The following IPO11 variants were observed in gnomAD, a reference collection of about 807,000 sequenced individuals.
IPO11 encodes the protein importin 11, also known as importin-11.
IPO11 carries 66 observed loss-of-function variants against 143.2 expected under a neutral mutation model. That is an observed-to-expected ratio of 0.46 (90% CI 0.38 to 0.57). The LOEUF is 0.57. IPO11 is among the 20% of genes least tolerant of loss of function. IPO11 has a pLI of 0.00. For missense variants in IPO11, 1,026 were observed against 1,141.0 expected (o/e 0.90, Z 1.45); for synonymous variants, 385 against 377.8 (o/e 1.02, Z -0.22).
intron 27 of IPO11, among the ~76,000 whole-genome samples, chr5:62,581,869 G>C (rs1744579446): frequency 6.6e-6 from 1 of 152,182 alleles, no homozygotes; most frequent in African/African-American, 2.4e-5. Flanking sequence ...TTGTGGAGGT[G>C]AGAGATGGCT....
intron 22 of IPO11, among the ~76,000 whole-genome samples, chr5:62,535,683 A>G (rs941397095): frequency 6.6e-6 from 1 of 152,090 alleles, no homozygotes; most frequent in African/African-American, 2.4e-5. Flanking sequence ...ACAGGGTAGG[A>G]TTGTCATTCT....
chr5:62,426,826 A>G (rs1743759761), intron 1 of IPO11, among the ~76,000 whole-genome samples: 4 of 147,812 alleles, frequency 2.7e-5, no homozygotes. Context: ...TTTTTTATAT[A>G]TATTTCTCTA....
intron 24 of IPO11, among the ~76,000 whole-genome samples, chr5:62,550,022 GC>G (rs1743339001): frequency 6.6e-6 from 1 of 152,114 alleles, no homozygotes; most frequent in Non-Finnish European, 1.5e-5. Flanking sequence ...GCTTTTTGCT[GC>G]CTCTATTAGT....
chr5:62,533,134 C>CATCTTG (rs1315165310), intron 22 of IPO11, among the ~76,000 whole-genome samples: 1 of 151,892 alleles, frequency 6.6e-6, no homozygotes, highest in Non-Finnish European at 1.5e-5. Context: ...TTTATTTGTA[C>CATCTTG]ATCTTGACCT....
chr5:62,439,278 G>A (rs1398517011), intron 2 of IPO11, among the ~76,000 whole-genome samples: 1 of 145,552 alleles, frequency 6.9e-6, no homozygotes, highest in Non-Finnish European at 1.5e-5. Context: ...AATACTAACT[G>A]CGTAGGTTTT....
intron 3 of IPO11, among the ~76,000 whole-genome samples, chr5:62,446,735 G>A (rs1222500435): frequency 6.6e-6 from 1 of 152,138 alleles, no homozygotes; most frequent in African/African-American, 2.4e-5. Context: ...TTGGGAGGCC[G>A]AGGCGGGCAG....
intron 1 of IPO11, among the ~76,000 whole-genome samples, chr5:62,414,477 A>G (rs1743222697): frequency 6.6e-6 from 1 of 152,154 alleles, no homozygotes. Context: ...TATCAGCTTC[A>G]AATAGGGACT....
chr5:62,493,918 T>G, intron 15 of IPO11, 80 bp from the exon 16 acceptor site: 1 of 1,277,580 alleles, frequency 7.8e-7, no homozygotes, highest in Non-Finnish European at 1.1e-6. Context: ...ACATTTTAGA[T>G]TTAAATGATA....
rs1746663170 is a variant in IPO11 at position 62,628,577 on chromosome 5, A to G, written c.*1259A>G. On this transcript the variant is annotated 3_prime_UTR_variant, in exon 30 of 30. Coordinates refer to ENST00000325324, the MANE Select transcript of IPO11 (RefSeq NM_016338.5). ...GGTCCAAATTAAATTTTCCAAAGAT[A>G]CCTCACCTTGGACTGATTTGTCTGA... 6.6e-6 allele frequency: 1 copy of G among 152,610 alleles called. No homozygotes were observed. Among genetic ancestry groups the G allele is most frequent in the Non-Finnish European group, 1.5e-5 (1 of 68,038 alleles). The allele number at this position is 152,610 out of a possible 1,614,324, so 9.5% of individuals were successfully genotyped here.
At chr5:62,414,973 C>T (rs1232703105) in intron 1 of IPO11, among the ~76,000 whole-genome samples, 1 of 152,200 alleles carries the variant, frequency 6.6e-6, no homozygotes, top group African/African-American at 2.4e-5. Flanking sequence ...CAGATTCCAA[C>T]TCATTCCAGT....
At chr5:62,521,559 C>A (rs1742201520) in intron 20 of IPO11, among the ~76,000 whole-genome samples, 1 of 152,086 alleles carries the variant, frequency 6.6e-6, no homozygotes, top group South Asian at 2.1e-4. Context: ...TCTCACTGTT[C>A]TGGACACTTG....
intron 29 of IPO11, among the ~76,000 whole-genome samples, chr5:62,605,376 T>C (rs1276736635): frequency 6.6e-6 from 1 of 152,214 alleles, no homozygotes; most frequent in East Asian, 1.9e-4. Flanking sequence ...GGATGAAATT[T>C]ACACTCAGGA....
intron 5 of IPO11, among the ~76,000 whole-genome samples, chr5:62,455,220 A>G (rs1745089143): frequency 6.6e-6 from 1 of 152,208 alleles, no homozygotes; most frequent in African/African-American, 2.4e-5. Context: ...CAAGTACCAA[A>G]TTAGTTTCCT....
intron 27 of IPO11, chr5:62,580,546 C>G: frequency 6.4e-7 from 1 of 1,551,444 alleles, no homozygotes; most frequent in Non-Finnish European, 8.7e-7. Context: ...ACTTTTGGGC[C>G]TTCGAGACTG....
chr5:62,501,292 CTG>C (rs1741340723), intron 16 of IPO11, among the ~76,000 whole-genome samples: 1 of 152,104 alleles, frequency 6.6e-6, no homozygotes, highest in African/African-American at 2.4e-5. Context: ...CTCAACTAGT[CTG>C]TGTTTTGAAC....
chr5:62,470,297 A>G lies in IPO11; in HGVS notation c.697A>G (p.Met233Val). The G allele has an allele frequency of 3.1e-6, 5 of 1,613,636 alleles. No homozygotes were observed. The highest frequency in any genetic ancestry group is 2.2e-5 in the East Asian group (1 of 44,804). ...TGGATTTGTGGAACCTCATAAGAAT[A>G]TGGAGGTGATGGTAAGTGATCGAAG... Reference protein sequence around the residue: ...VNGFVEPHKNMEVMGFLHGIF... With the variant: ...VNGFVEPHKNVEVMGFLHGIF... The change falls in exon 7 of 30, where the codon ATG (methionine) becomes GTG (valine). Residue 233 changes from methionine (M) to valine (V), a missense_variant. Around this residue, in one of 5 missense-constraint regions of IPO11, gnomAD observed 429 missense variants for 456.3 expected, o/e 0.94. Coordinates refer to ENST00000325324, the MANE Select transcript of IPO11 (RefSeq NM_016338.5).
intron 1 of IPO11, among the ~76,000 whole-genome samples, chr5:62,432,995 T>A (rs768670672): frequency 4.8e-4 from 73 of 152,222 alleles, no homozygotes; most frequent in Admixed American, 6.5e-5. Flanking sequence ...TTGGACACAT[T>A]GGGAACATTC....
intron 3 of IPO11, chr5:62,443,414 TGTGTGTGC>T (rs869067234): frequency 8.2e-4 from 117 of 142,932 alleles, no homozygotes; most frequent in African/African-American, 2.6e-3. Context: ...TGTGTGTGTG[TGTGTGTGC>T]GTGTGTGCGT....
At position 62,581,038 on chromosome 5, in the gene IPO11, T is replaced by A. The variant is rs1387680598; in HGVS notation, c.2583-10539T>A. 3 of 1,551,094 alleles carry A rather than the reference T, an allele frequency of 1.9e-6. No homozygotes were observed. In the African/African-American group the frequency reaches 4.1e-5, roughly 21 times the overall value. ...TGAGGCTTTTGACATTTTGCTAGCT[T>A]TTTTCATCTTAGCTTGTGTTTTAAT... On this transcript the variant is annotated intron_variant, in intron 27 of 29. Transcript: ENST00000325324.
Sources: gnomAD v4.1 joint callset for allele counts (sites outside exome capture counted in the v4.1 genomes callset) on GRCh38, gnomAD v4.1.1 for gene constraint, gnomAD v4.1.1 regional missense constraint, MANE v1.5 for transcripts, NCBI Gene and HGNC (gene_info 2026-07-23, HGNC 2026-07-21) for gene names.